Variants in IQANK1 observed in about 807,000 individuals in gnomAD.
The protein encoded by IQANK1 is IQ motif and ankyrin repeat domain-containing protein 1.
IQANK1 carries 30 observed loss-of-function variants against 22.6 expected under a neutral mutation model. The ratio of observed to expected loss-of-function variants is 1.33; its 90% CI spans 0.99 to 1.80. The LOEUF (loss-of-function observed/expected upper bound fraction) is 1.80. Among genes scored for constraint, IQANK1 ranks in the 40% most tolerant of loss-of-function variants. The pLI is 0.00. For missense variants in IQANK1, 275 were observed against 235.2 expected, an observed-to-expected ratio of 1.17 and a Z score of -1.11; for synonymous variants, 122 against 99.6, an observed-to-expected ratio of 1.23 and a Z score of -1.34.
chr8:143,737,491 C>T (rs548380963), intron 2 of IQANK1, among the ~76,000 whole-genome samples: 1 of 152,322 alleles, frequency 6.6e-6, no homozygotes, highest in South Asian at 2.1e-4. Context: ...GTGTGGCGGG[C>T]ACCGGCTTCA....
chr8:143,741,624 G>C (rs1818917163), intron 3 of IQANK1: 1 of 152,410 alleles, frequency 6.6e-6, no homozygotes, highest in African/African-American at 2.4e-5. Context: ...CCTGCCTCCA[G>C]ACGGCGGGCT....
intron 3 of IQANK1, chr8:143,742,436 A>G (rs1554626680): frequency 4.4e-6 from 2 of 456,022 alleles, no homozygotes; most frequent in South Asian, 3.1e-5. Context: ...CCCAGGAGGC[A>G]TCTGAGCTGC....
Position 143,771,784 on chromosome 8 carries a change from C to T in IQANK1, c.307-17C>T. 1 of 397,034 alleles carries T rather than the reference C, an allele frequency of 2.5e-6. No individual in the cohort carries two copies. Among genetic ancestry groups the T allele is most frequent in the Non-Finnish European group, 4.4e-6 (1 of 225,230 alleles). 24.6% of individuals were successfully genotyped at this position (397,034 alleles called of 1,614,324 possible). On this transcript the variant is annotated splice_polypyrimidine_tract_variant and intron_variant, in intron 4 of 13. Transcript: ENST00000527139. This position sits in a 1 kb window ranked among gnomAD's most constrained non-coding sequence, Gnocchi z 6.0. ...GGTGGCGCGGAGTGGGCGGTGACTT[C>T]GGCGGGCGCCTCCCAGGCCTACCTG...
chr8:143,782,539 G>C (rs925172591), intron 7 of IQANK1, among the ~76,000 whole-genome samples: 4 of 151,782 alleles, frequency 2.6e-5, no homozygotes, highest in Non-Finnish European at 5.9e-5. Flanking sequence ...GGAGTGCAAC[G>C]GCACAATCTT....
At chr8:143,781,100 T>C (rs1311710713) in intron 7 of IQANK1, among the ~76,000 whole-genome samples, 2 of 152,238 alleles carry the variant, frequency 1.3e-5, no homozygotes, top group South Asian at 2.1e-4. Flanking sequence ...CTTTTTTTCA[T>C]ATGCTTGCTG....
intron 3 of IQANK1, among the ~76,000 whole-genome samples, chr8:143,766,291 A>G (rs1476368988): frequency 1.3e-5 from 2 of 152,186 alleles, no homozygotes; most frequent in Non-Finnish European, 2.9e-5. Context: ...TCGGAATACA[A>G]ACCTTTTGTC....
At chr8:143,775,955 C>T (rs1474549850) in intron 7 of IQANK1, among the ~76,000 whole-genome samples, 1 of 152,072 alleles carries the variant, frequency 6.6e-6, no homozygotes, top group East Asian at 1.9e-4. Flanking sequence ...GCAATAGAAA[C>T]TCTCCAAAAT....
chr8:143,771,643 C>T lies in IQANK1; in HGVS notation c.306+25C>T, dbSNP rs1819576028. ...GGTGAGGACGGGCAGCCGCAACAGC[C>T]GGGGGCCAGGCAGGAGGCAGGGGGA... On this transcript the variant is annotated intron_variant, in intron 4 of 13. Coordinates refer to ENST00000527139, the MANE Select transcript of IQANK1 (RefSeq NM_001381874.1). This position sits in a 1 kb window ranked among gnomAD's most constrained non-coding sequence, Gnocchi z 6.0. 6 of 399,824 alleles carry T rather than the reference C, an allele frequency of 1.5e-5. No homozygotes were observed. Among genetic ancestry groups the T allele is most frequent in the Middle Eastern group, 6.3e-4 (1 of 1,596 alleles). The allele number at this position is 399,824 out of a possible 1,614,324, so 24.8% of individuals were successfully genotyped here.
chr8:143,786,897 G>A (rs547784727), intron 7 of IQANK1, among the ~76,000 whole-genome samples: 1 of 152,346 alleles, frequency 6.6e-6, no homozygotes, highest in African/African-American at 2.4e-5. Context: ...GAGCCCCTGT[G>A]GCTGCCAGGG....
At position 143,749,491 on chromosome 8, in the gene IQANK1, AAT is replaced by A. The variant is rs1354426099; in HGVS notation, c.175+9550_175+9551del. Among the ~76,000 whole-genome samples the A allele has an allele frequency of 3.0e-5, 4 of 132,956 alleles. No homozygotes were observed. The Admixed American group carries it at 3.1e-4, about 10-fold the overall frequency. 87.2% of individuals were successfully genotyped at this position (132,956 alleles called of 152,430 possible). ...ATATAAATATATGTATAAATATATA[AAT>A]ATATATCATATAAATATATAAAAAT... On this transcript the variant is annotated intron_variant, in intron 3 of 13. Coordinates refer to ENST00000527139, the MANE Select transcript of IQANK1 (RefSeq NM_001381874.1).
At chr8:143,745,915 C>T (rs1819019253) in intron 3 of IQANK1, 1 of 151,950 alleles carries the variant, frequency 6.6e-6, no homozygotes, top group Non-Finnish European at 1.5e-5. Context: ...CATGCCCCGG[C>T]TATTTTTTTA....
intron 3 of IQANK1, among the ~76,000 whole-genome samples, chr8:143,748,839 A>AAATATATAAATATATATTTCATATAT (rs1554627618): frequency 8.7e-6 from 1 of 114,958 alleles, no homozygotes; most frequent in East Asian, 2.6e-4. Flanking sequence ...TTTCATATAT[A>AAATATATAAATATATATTTCATATAT]AATATATAAA....
At chr8:143,766,310 G>A (rs1554629227) in intron 3 of IQANK1, among the ~76,000 whole-genome samples, 1 of 152,028 alleles carries the variant, frequency 6.6e-6, no homozygotes, top group African/African-American at 2.4e-5. Context: ...TCAGTTACAT[G>A]GATTGCAAAT....
intron 7 of IQANK1, among the ~76,000 whole-genome samples, chr8:143,785,664 A>C (rs1554631281): frequency 6.6e-6 from 1 of 151,028 alleles, no homozygotes; most frequent in Non-Finnish European, 1.5e-5. Flanking sequence ...GGTTCAAATG[A>C]TCCTCCTGCC....
chr8:143,757,045 A>G (rs1483395303), intron 3 of IQANK1, among the ~76,000 whole-genome samples: 1 of 152,020 alleles, frequency 6.6e-6, no homozygotes, highest in Non-Finnish European at 1.5e-5. Flanking sequence ...CTGTGCTGTG[A>G]TTTTCTTACT....
chr8:143,736,316 T>A (rs1554625675), intron 2 of IQANK1, among the ~76,000 whole-genome samples: 1 of 152,068 alleles, frequency 6.6e-6, no homozygotes, highest in Non-Finnish European at 1.5e-5. Flanking sequence ...ATTTTTGTAT[T>A]TTTGTTTTAG....
chr8:143,773,586 C>T (rs1272041931), intron 7 of IQANK1, among the ~76,000 whole-genome samples: 15 of 152,188 alleles, frequency 9.9e-5, no homozygotes, highest in Admixed American at 7.9e-4. Flanking sequence ...GAGGTGCTGC[C>T]TGGAGTCTGG....
chr8:143,748,890 A>T (rs868972228), intron 3 of IQANK1, among the ~76,000 whole-genome samples: 4 of 15,874 alleles, frequency 2.5e-4, no homozygotes, highest in Non-Finnish European at 7.1e-4. Flanking sequence ...ATATATCATA[A>T]ATACTTAAAA....
intron 7 of IQANK1, among the ~76,000 whole-genome samples, chr8:143,775,184 T>G (rs187284271): frequency 1.3e-5 from 2 of 152,036 alleles, no homozygotes; most frequent in Admixed American, 1.3e-4. Context: ...ACTATGTCAG[T>G]ATCCTAGTTT....
Sources: allele counts gnomAD v4.1 joint callset (sites outside exome capture counted in the v4.1 genomes callset), GRCh38; gene constraint gnomAD v4.1.1; non-coding constraint Gnocchi (gnomAD v3.1); transcripts MANE v1.5; gene names NCBI Gene and HGNC (gene_info 2026-07-23, HGNC 2026-07-21).